The following TARS1 variants were observed in gnomAD, a reference collection of about 807,000 sequenced individuals.
TARS1 encodes the protein threonine--tRNA ligase 1, cytoplasmic.
TARS1 carries 57 observed loss-of-function variants against 97.7 expected under a neutral mutation model. The ratio of observed to expected loss-of-function variants is 0.58; its 90% confidence interval spans 0.47 to 0.73. The LOEUF (loss-of-function observed/expected upper bound fraction) is 0.73. Among genes scored for constraint, TARS1 ranks in the 30% least tolerant of loss-of-function variants. The pLI, the probability that TARS1 is intolerant of heterozygous loss-of-function variation, is 0.00. For missense variants in TARS1, 806 were observed against 888.3 expected (o/e 0.91, Z 1.18); for synonymous variants, 312 against 293.7 (o/e 1.06, Z -0.64).
At chr5:33,453,722 A>ATTTT (rs911017855) in intron 4 of TARS1, among the ~76,000 whole-genome samples, 2 of 144,646 alleles carry the variant, frequency 1.4e-5, no homozygotes, top group African/African-American at 5.1e-5. Flanking sequence ...TTTTATTTTA[A>ATTTT]TTTTTTTTTT....
rs753968059 is a variant in TARS1, at chr5:33,458,653, G to A, written c.1072G>A (p.Glu358Lys). ...KGAYIYNALI[E>K]FIRSEYRKRG... ...AGCCTACATTTATAATGCACTTATT[G>A]AATTCATTAGGGTAAGTCATATTTA... Residue 358 changes from glutamate to lysine, a missense_variant, in exon 10 of 19, where the codon GAA (glutamate) becomes AAA (lysine). By Grantham distance (56) the Glu-to-Lys change is moderately conservative. Coordinates refer to ENST00000265112, the MANE Select transcript of TARS1 (RefSeq NM_152295.5). The A allele has an allele frequency of 5.0e-6, 8 of 1,611,730 alleles. No homozygotes were observed. Among genetic ancestry groups the A allele is most frequent in the Non-Finnish European group, 1.7e-6 (2 of 1,178,554 alleles).
At chr5:33,440,712 A>C, upstream of TARS1, 1 of 431,626 alleles carries the variant, frequency 2.3e-6, no homozygotes, top group Non-Finnish European at 4.1e-6. Flanking sequence ...GTTCCACATA[A>C]AGTCAGAAGG....
intron 2 of TARS1, 114 bp from the exon 3 acceptor site, chr5:33,448,427 A>G (rs753217215): frequency 1.1e-4 from 95 of 883,958 alleles, no homozygotes; most frequent in Non-Finnish European, 1.4e-4. Context: ...TATTTACCAC[A>G]TTGAATCAAT....
At position 33,454,510 on chromosome 5, in the gene TARS1, C is replaced by A. The variant is rs569616512; in HGVS notation, c.454-435C>A. 8.8e-4 allele frequency among the ~76,000 whole-genome samples: 134 copies of A among 152,244 alleles called. 3 individuals are homozygous for A. The South Asian group carries it at 0.027, about 30-fold the overall frequency. ...TACCACCTTTGTTTTGGGCCAGTAA[C>A]AACATGTAATTTCTAAGTGATGTTC... On this transcript the variant is annotated intron_variant, in intron 4 of 18. Transcript: ENST00000265112.
intron 2 of TARS1, chr5:33,446,894 C>A: frequency 4.4e-6 from 2 of 452,850 alleles, no homozygotes; most frequent in Non-Finnish European, 7.2e-6. Flanking sequence ...GGGTTCTTCA[C>A]CATTGAAGGT....
chr5:33,460,085 T>C, intron 11 of TARS1: 1 of 406,890 alleles, frequency 2.5e-6, no homozygotes, highest in South Asian at 4.9e-5. Context: ...TATGCGATTA[T>C]AGCTCACTGC....
Position 33,460,969 on chromosome 5 carries a change from C to A in TARS1, c.1318C>A (p.Leu440Ile). The A allele has an allele frequency of 6.2e-7, 1 of 1,614,142 alleles. No individual in the cohort carries two copies. The highest frequency in any genetic ancestry group is 1.6e-4 in the Middle Eastern group (1 of 6,062). ...LPLRLADFGVLHRNELSGALT... is the reference protein window; with the variant it reads ...LPLRLADFGVIHRNELSGALT... ...TCTGCGGCTAGCTGATTTTGGGGTA[C>A]TTCATAGGAACGAGCTGTCTGGAGC... Residue 440 changes from leucine to isoleucine, a missense_variant, in exon 12 of 19, where the codon CTT (leucine) becomes ATT (isoleucine). Coordinates refer to ENST00000265112, the MANE Select transcript of TARS1 (RefSeq NM_152295.5).
intron 3 of TARS1, among the ~76,000 whole-genome samples, chr5:33,452,924 C>T (rs577283885): frequency 1.3e-4 from 19 of 151,458 alleles, no homozygotes; most frequent in Admixed American, 1.0e-3. Context: ...GGAGGCCAGC[C>T]TGCGCAACAT....
chr5:33,461,721 G>A lies in TARS1; in HGVS notation c.1606G>A (p.Asp536Asn), dbSNP rs748228577. 1 of 1,614,096 alleles carries A rather than the reference G, an allele frequency of 6.2e-7. No individual in the cohort carries two copies. ...FGEKWELNSG[D>N]GAFYGPKIDI... ...TGAAAAGTGGGAGTTAAACTCTGGA[G>A]ATGGAGCTTTCTATGGCCCAAAGGT... is the stretch of plus-strand genomic sequence containing the variant. The change falls in exon 14 of 19, where the codon GAT becomes AAT. Residue 536 changes from aspartate to asparagine, a missense_variant. Asp to Asn is a conservative substitution (Grantham distance 23). Around this residue, in one of 3 missense-constraint regions of TARS1, gnomAD observed 446 missense variants for 511.0 expected, o/e 0.87. Coordinates refer to ENST00000265112, the MANE Select transcript of TARS1 (RefSeq NM_152295.5).
At chr5:33,462,374 T>C (rs1292693306) in intron 16 of TARS1, among the ~76,000 whole-genome samples, 171 bp downstream of exon 16, 2 of 152,240 alleles carry the variant, frequency 1.3e-5, no homozygotes, top group Non-Finnish European at 2.9e-5. Flanking sequence ...ACACAAACTT[T>C]TTAGCATTAA....
chr5:33,456,050 A>T lies in TARS1; in HGVS notation c.742A>T (p.Thr248Ser), dbSNP rs752739838. ...RILNEKVNTPTTTVYRCGPLI... is the reference protein window; with the variant it reads ...RILNEKVNTPSTTVYRCGPLI... ...ATTGAATGAAAAGGTGAATACTCCA[A>T]CTACCACAGTCTATAGGTAAGAATA... The change falls in exon 7 of 19, where the codon ACT (threonine) becomes TCT (serine). Residue 248 changes from threonine to serine, a missense_variant. Thr to Ser is a moderately conservative substitution (Grantham distance 58, BLOSUM62 1). Coordinates refer to ENST00000265112, the MANE Select transcript of TARS1 (RefSeq NM_152295.5). 1 of 1,613,924 alleles carries T rather than the reference A, an allele frequency of 6.2e-7. No homozygotes were observed. Among genetic ancestry groups the T allele is most frequent in the Non-Finnish European group, 8.5e-7 (1 of 1,179,868 alleles).
At position 33,448,494 on chromosome 5, in the gene TARS1, C is replaced by G. The variant is rs770479829; in HGVS notation, c.139-47C>G. On this transcript the variant is annotated intron_variant, in intron 2 of 18. Coordinates refer to ENST00000265112, the MANE Select transcript of TARS1 (RefSeq NM_152295.5). ...TCTTTCCCATTTCTAAATAGGAAAG[C>G]AATATTTACTGATCATTTATTTCCT... 1.4e-5 allele frequency: 19 copies of G among 1,392,408 alleles called. No individual in the cohort carries two copies. The South Asian group carries it at 2.0e-4, about 15-fold the overall frequency. 86.3% of individuals were successfully genotyped at this position (1,392,408 alleles called of 1,614,324 possible). A position where few individuals can be genotyped will look rare whatever the true frequency, so the allele number is the denominator to read the frequency against.
In TARS1 at chr5:33,467,974, G is replaced by C. The variant is rs960106719; in HGVS notation, c.*266G>C. Reference sequence around the variant, plus strand: ...GAAGTGAAACATGAGGAATGCTTTAGTGTAATGTGGGAGAACTTTTTTGTA... The same window carrying C: ...GAAGTGAAACATGAGGAATGCTTTACTGTAATGTGGGAGAACTTTTTTGTA... On this transcript the variant is annotated 3_prime_UTR_variant, in exon 19 of 19. Coordinates refer to ENST00000265112, the MANE Select transcript of TARS1 (RefSeq NM_152295.5). The C allele has an allele frequency of 3.1e-6, 1 of 320,970 alleles. No individual in the cohort carries two copies. Among genetic ancestry groups the C allele is most frequent in the African/African-American group, 2.1e-5 (1 of 46,926 alleles). The allele number at this position is 320,970 out of a possible 1,614,324, so 19.9% of individuals were successfully genotyped here. A position where few individuals can be genotyped will look rare whatever the true frequency, so the allele number is the denominator to read the frequency against.
chr5:33,442,797 C>G (rs1298499842), intron 1 of TARS1, among the ~76,000 whole-genome samples: 1 of 152,208 alleles, frequency 6.6e-6, no homozygotes, highest in Non-Finnish European at 1.5e-5. Flanking sequence ...ATCCACCGCG[C>G]CCGGCCTCAT....
Position 33,467,777 on chromosome 5 carries a change from T to C in TARS1, c.*69T>C, listed in dbSNP as rs967992506. 1 of 1,503,416 alleles carries C rather than the reference T, an allele frequency of 6.7e-7. No individual in the cohort carries two copies. Among genetic ancestry groups the C allele is most frequent in the African/African-American group, 1.4e-5 (1 of 70,866 alleles). The allele number at this position is 1,503,416 out of a possible 1,614,324, so 93.1% of individuals were successfully genotyped here. ...CGTTTCCGTAAAATTGACTTTGTAC[T>C]CTGAAAACGTCAATTTATATTGAAC... On this transcript the variant is annotated 3_prime_UTR_variant, in exon 19 of 19. Coordinates refer to ENST00000265112, the MANE Select transcript of TARS1 (RefSeq NM_152295.5).
At chr5:33,443,960 G>GT (rs200275546) in intron 1 of TARS1, among the ~76,000 whole-genome samples, 3,931 of 149,534 alleles carry the variant, frequency 0.026, 61 homozygotes, top group South Asian at 0.083. Flanking sequence ...TTTAAAATTA[G>GT]TTTTTTTTTT....
At chr5:33,463,297 A>T (rs1742379823) in intron 16 of TARS1, among the ~76,000 whole-genome samples, 1 of 152,246 alleles carries the variant, frequency 6.6e-6, no homozygotes, top group Non-Finnish European at 1.5e-5. Flanking sequence ...ATAACCAGTT[A>T]TTATCAATTA....
At chr5:33,452,131 A>G (rs1741773926) in intron 3 of TARS1, among the ~76,000 whole-genome samples, 1 of 152,200 alleles carries the variant, frequency 6.6e-6, no homozygotes, top group Non-Finnish European at 1.5e-5. Flanking sequence ...CCTTAGACAT[A>G]GAGAGCCACC....
At chr5:33,454,831 A>T (rs1284901163) in intron 4 of TARS1, 114 bp from the exon 5 acceptor site, 1 of 1,300,138 alleles carries the variant, frequency 7.7e-7, no homozygotes, top group Admixed American at 2.6e-5. Context: ...TTAGGATTTT[A>T]TATATTGGGT....
Sources: allele counts gnomAD v4.1 joint callset (sites outside exome capture counted in the v4.1 genomes callset), GRCh38; gene constraint gnomAD v4.1.1; regional missense constraint gnomAD v4.1.1; transcripts MANE v1.5; gene names NCBI Gene and HGNC (gene_info 2026-07-23, HGNC 2026-07-21).